Variants in TNFSF4 observed in about 807,000 individuals in gnomAD.
TNFSF4 encodes the protein tumor necrosis factor ligand superfamily member 4.
Under a neutral mutation model 7.3 loss-of-function variants are expected in TNFSF4, and 4 were observed. The observed-to-expected ratio is 0.55, with a 90% CI of 0.27 to 1.25. The LOEUF (loss-of-function observed/expected upper bound fraction) is 1.25. TNFSF4 is among the 50% of genes most tolerant of loss of function. The pLI is 0.12. For synonymous variants in TNFSF4, 76 were observed against 83.7 expected (o/e 0.91, Z 0.50); for missense variants, 181 against 208.8 (o/e 0.87, Z 0.82).
chr1:173,419,211 G>A, the TNFSF4 span, among the ~76,000 whole-genome samples: 47 of 152,124 alleles, frequency 3.1e-4, 2 homozygotes, highest in African/African-American at 2.7e-4. Context: ...GTGTGGTGGC[G>A]GGCACCTGTA....
the TNFSF4 span, among the ~76,000 whole-genome samples, chr1:173,309,988 T>C: frequency 6.6e-6 from 1 of 151,838 alleles, no homozygotes; most frequent in Admixed American, 6.6e-5. Context: ...AATGTTCATA[T>C]GAGATTTTAA....
chr1:173,323,306 G>A, the TNFSF4 span, among the ~76,000 whole-genome samples: 1 of 152,232 alleles, frequency 6.6e-6, no homozygotes, highest in African/African-American at 2.4e-5. Flanking sequence ...TAAACTCTAA[G>A]AGACCTGCAG....
At chr1:173,249,051 G>T in the TNFSF4 span, among the ~76,000 whole-genome samples, 1 of 152,144 alleles carries the variant, frequency 6.6e-6, no homozygotes, top group African/African-American at 2.4e-5. Context: ...AAATACGCAG[G>T]TTGGGGAAAC....
At chr1:173,305,404 T>G in the TNFSF4 span, among the ~76,000 whole-genome samples, 8 of 151,984 alleles carry the variant, frequency 5.3e-5, no homozygotes, top group Non-Finnish European at 1.0e-4. Flanking sequence ...GTGGAAGAGA[T>G]GAACCTTCAA....
the TNFSF4 span, among the ~76,000 whole-genome samples, chr1:173,347,601 G>A: frequency 6.6e-6 from 1 of 152,194 alleles, no homozygotes; most frequent in Non-Finnish European, 1.5e-5. Flanking sequence ...TATTCTATTG[G>A]AAGAAGGCAG....
chr1:173,266,016 T>G, the TNFSF4 span, among the ~76,000 whole-genome samples: 1 of 152,222 alleles, frequency 6.6e-6, no homozygotes, highest in East Asian at 1.9e-4. Context: ...AATGAAACCA[T>G]CACAATAGGA....
the TNFSF4 span, among the ~76,000 whole-genome samples, chr1:173,412,183 T>A: frequency 6.6e-6 from 1 of 150,826 alleles, no homozygotes; most frequent in Non-Finnish European, 1.5e-5. Context: ...CCATGTCTCA[T>A]CCACTTGGCC....
chr1:173,320,911 T>C, the TNFSF4 span, among the ~76,000 whole-genome samples: 6 of 152,220 alleles, frequency 3.9e-5, no homozygotes, highest in African/African-American at 1.2e-4. Context: ...CCCAAAGTAA[T>C]TTATAGATTC....
At chr1:173,442,967 T>A in the TNFSF4 span, among the ~76,000 whole-genome samples, 2 of 152,030 alleles carry the variant, frequency 1.3e-5, no homozygotes, top group African/African-American at 4.8e-5. Flanking sequence ...TTACAGATGT[T>A]AGCCACCATG....
At chr1:173,335,722 G>A in the TNFSF4 span, among the ~76,000 whole-genome samples, 23 of 152,184 alleles carry the variant, frequency 1.5e-4, no homozygotes, top group African/African-American at 5.3e-4. Context: ...ATTTAAGCCA[G>A]TTAACAGATC....
At chr1:173,228,529 C>A in the TNFSF4 span, among the ~76,000 whole-genome samples, 4 of 152,258 alleles carry the variant, frequency 2.6e-5, no homozygotes, top group East Asian at 3.9e-4. Context: ...GCCTCTCCCC[C>A]CTCCAAAGGA....
At chr1:173,290,446 T>C in the TNFSF4 span, among the ~76,000 whole-genome samples, 1 of 152,202 alleles carries the variant, frequency 6.6e-6, no homozygotes, top group Admixed American at 6.6e-5. Flanking sequence ...ACTATTCTTA[T>C]GTTGGATAAA....
upstream of TNFSF4, among the ~76,000 whole-genome samples, chr1:173,211,680 C>A (rs963759819): frequency 6.6e-6 from 1 of 152,208 alleles, no homozygotes; most frequent in African/African-American, 2.4e-5. Context: ...TACACATTCC[C>A]CATGAAGGGC....
At chr1:173,196,598 T>C (rs1274469121) in intron 1 of TNFSF4, among the ~76,000 whole-genome samples, 1 of 152,188 alleles carries the variant, frequency 6.6e-6, no homozygotes, top group Non-Finnish European at 1.5e-5. Flanking sequence ...AGAGAGAGCA[T>C]GAACTGTGGT....
chr1:173,250,855 A>T, the TNFSF4 span, among the ~76,000 whole-genome samples: 1 of 152,188 alleles, frequency 6.6e-6, no homozygotes, highest in Non-Finnish European at 1.5e-5. Flanking sequence ...TCAAATGTCT[A>T]TTGAGAGACT....
the TNFSF4 span, among the ~76,000 whole-genome samples, chr1:173,408,479 T>G: frequency 6.6e-6 from 1 of 152,166 alleles, no homozygotes; most frequent in Non-Finnish European, 1.5e-5. Context: ...AAATGCAGAA[T>G]GGATAATTAA....
intron 2 of TNFSF4, 58 bp downstream of exon 2, chr1:173,188,463 G>T: frequency 7.5e-7 from 1 of 1,324,964 alleles, no homozygotes; most frequent in Non-Finnish European, 1.1e-6. Flanking sequence ...GAAATTAAGA[G>T]ACTGAAGAGA....
At chr1:173,197,703 T>C (rs1649764040) in intron 1 of TNFSF4, among the ~76,000 whole-genome samples, 1 of 152,106 alleles carries the variant, frequency 6.6e-6, no homozygotes, top group South Asian at 2.1e-4. Flanking sequence ...AGGGAGGGCA[T>C]CAGGAAAAAT....
At chr1:173,408,170 A>G in the TNFSF4 span, among the ~76,000 whole-genome samples, 1 of 152,238 alleles carries the variant, frequency 6.6e-6, no homozygotes, top group Non-Finnish European at 1.5e-5. Context: ...CAACTTCTAA[A>G]TACCATTTTC....
Sources: allele counts gnomAD v4.1 joint callset (sites outside exome capture counted in the v4.1 genomes callset), GRCh38; gene constraint gnomAD v4.1.1; transcripts MANE v1.5; gene names NCBI Gene and HGNC (gene_info 2026-07-23, HGNC 2026-07-21).